CSMD1: variants seen among roughly 807,000 people sequenced by gnomAD.
CSMD1 encodes CUB and sushi domain-containing protein 1.
CSMD1 carries 213 observed loss-of-function variants against 417.5 expected under a neutral mutation model. The ratio of observed to expected loss-of-function variants is 0.51; its 90% CI spans 0.46 to 0.57. CSMD1 has a LOEUF of 0.57. CSMD1 is among the 20% of genes least tolerant of loss of function. The pLI, the probability that CSMD1 is intolerant of heterozygous loss-of-function variation, is 0.00. For missense variants in CSMD1, 6,923 were observed against 4,529.7 expected (o/e 1.53, Z -15.17); for synonymous variants, 2,862 against 1,736.8 (o/e 1.65, Z -16.11).
At chr8:4,503,745 G>A (rs1022532887) in intron 2 of CSMD1, among the ~76,000 whole-genome samples, 4 of 152,000 alleles carry the variant, frequency 2.6e-5, no homozygotes, top group Admixed American at 2.0e-4. Context: ...GGGAGATTCG[G>A]GAAGCTGGTC....
chr8:3,567,219 G>A (rs868108728), intron 10 of CSMD1, among the ~76,000 whole-genome samples: 2 of 152,102 alleles, frequency 1.3e-5, no homozygotes, highest in Non-Finnish European at 2.9e-5. Flanking sequence ...ACCAAATGGT[G>A]AAAGTACATG....
At position 3,284,303 on chromosome 8, in the gene CSMD1, G is replaced by T; in HGVS notation, c.3994C>A (p.Leu1332Ile). 6.2e-7 allele frequency: 1 copy of T among 1,613,940 alleles called. No individual in the cohort carries two copies. The highest frequency in any genetic ancestry group is 8.5e-7 in the Non-Finnish European group (1 of 1,179,882). The change falls in exon 26 of 70, where the codon CTC (leucine) becomes ATC (isoleucine). Residue 1332 changes from leucine (L) to isoleucine (I), a missense_variant. Transcript: ENST00000635120. ...VFDTEMAHDI[L>I]KVWDGPVDSD... Reference sequence around the variant, plus strand: ...TCCACCGGCCCGTCCCAGACCTTGAGGATGTCGTGAGCCATCTCCGTGTCG... The same window carrying T: ...TCCACCGGCCCGTCCCAGACCTTGATGATGTCGTGAGCCATCTCCGTGTCG...
chr8:4,361,932 T>TC (rs1478045291), intron 3 of CSMD1, among the ~76,000 whole-genome samples: 2 of 151,868 alleles, frequency 1.3e-5, no homozygotes, highest in African/African-American at 2.4e-5. Flanking sequence ...GCCAAGGCCC[T>TC]CCAGCCTGGG....
chr8:3,065,722 G>T (rs1342155989), intron 49 of CSMD1, among the ~76,000 whole-genome samples: 1 of 152,156 alleles, frequency 6.6e-6, no homozygotes, highest in East Asian at 1.9e-4. Flanking sequence ...ATAGGAGATA[G>T]CCTACAAAGC....
chr8:4,392,780 C>G (rs1021988040), intron 3 of CSMD1, among the ~76,000 whole-genome samples: 3 of 151,582 alleles, frequency 2.0e-5, no homozygotes, highest in Admixed American at 1.3e-4. Flanking sequence ...ACATCCTGGC[C>G]AACATGGTGA....
chr8:3,278,020 A>T (rs28428566), intron 26 of CSMD1, among the ~76,000 whole-genome samples: 44,011 of 152,044 alleles, frequency 0.29, 6,511 homozygotes, highest in Non-Finnish European at 0.32. Flanking sequence ...TAAAAAATAT[A>T]TGGATAGAGA....
intron 1 of CSMD1, among the ~76,000 whole-genome samples, chr8:4,863,531 T>G (rs1395710409): frequency 3.9e-5 from 6 of 152,092 alleles, no homozygotes. Flanking sequence ...GGTAACTCAT[T>G]CCTATTGGTA....
chr8:3,432,847 G>A (rs950973388), intron 12 of CSMD1, among the ~76,000 whole-genome samples: 2 of 152,104 alleles, frequency 1.3e-5, no homozygotes, highest in East Asian at 1.9e-4. Context: ...CATTGTTTAT[G>A]TGAAATGGAT....
intron 12 of CSMD1, among the ~76,000 whole-genome samples, chr8:3,449,479 C>A (rs1037037157): frequency 6.6e-6 from 1 of 151,772 alleles, no homozygotes; most frequent in East Asian, 1.9e-4. Context: ...TATATTTTCT[C>A]TGTGGTGAAG....
intron 5 of CSMD1, among the ~76,000 whole-genome samples, chr8:3,817,825 A>C (rs1441774146): frequency 1.3e-5 from 2 of 152,064 alleles, no homozygotes; most frequent in Non-Finnish European, 2.9e-5. Flanking sequence ...ATCTGGCCAC[A>C]CCAAGTCCAG....
chr8:4,176,002 G>C (rs1005633084), intron 3 of CSMD1, among the ~76,000 whole-genome samples: 1 of 152,264 alleles, frequency 6.6e-6, no homozygotes, highest in East Asian at 1.9e-4. Flanking sequence ...TGAGAGGCTA[G>C]CCCAGGCTTC....
intron 2 of CSMD1, among the ~76,000 whole-genome samples, chr8:4,568,079 A>T (rs1798699878): frequency 6.6e-6 from 1 of 152,218 alleles, no homozygotes; most frequent in Non-Finnish European, 1.5e-5. Context: ...TGCTTGGTTA[A>T]TGCAAGAATA....
intron 3 of CSMD1, among the ~76,000 whole-genome samples, chr8:4,214,489 G>T (rs1010413837): frequency 6.6e-6 from 1 of 152,106 alleles, no homozygotes; most frequent in Non-Finnish European, 1.5e-5. Flanking sequence ...GTAGTGAAAG[G>T]GTCTTCCTCT....
chr8:4,188,621 G>A (rs1012642803), intron 3 of CSMD1, among the ~76,000 whole-genome samples: 3 of 152,130 alleles, frequency 2.0e-5, no homozygotes, highest in Non-Finnish European at 4.4e-5. Context: ...CTGTGAGTAA[G>A]ATTCCCGCCT....
chr8:4,014,122 G>A (rs1321297791), intron 4 of CSMD1, among the ~76,000 whole-genome samples: 5 of 152,090 alleles, frequency 3.3e-5, no homozygotes, highest in African/African-American at 1.2e-4. Flanking sequence ...AAAAAGAAAT[G>A]CAAGTATCAA....
At chr8:4,722,434 T>C (rs144199140) in intron 1 of CSMD1, among the ~76,000 whole-genome samples, 33 of 152,278 alleles carry the variant, frequency 2.2e-4, no homozygotes, top group Non-Finnish European at 4.1e-4. Flanking sequence ...TGATGCCTTC[T>C]AAGTGAAGTG....
intron 2 of CSMD1, among the ~76,000 whole-genome samples, chr8:4,440,870 G>A (rs553827055): frequency 3.2e-4 from 48 of 151,534 alleles, no homozygotes; most frequent in African/African-American, 1.1e-3. Context: ...GGGGGTGAAT[G>A]CCTATAGTCC....
At chr8:3,441,311 T>A (rs1312831000) in intron 12 of CSMD1, among the ~76,000 whole-genome samples, 1 of 152,092 alleles carries the variant, frequency 6.6e-6, no homozygotes, top group Admixed American at 6.6e-5. Context: ...TGGTGGTTAG[T>A]TTCCTTAGGA....
intron 36 of CSMD1, among the ~76,000 whole-genome samples, chr8:3,185,103 A>G (rs1350583775): frequency 6.6e-6 from 1 of 152,226 alleles, no homozygotes; most frequent in Non-Finnish European, 1.5e-5. Flanking sequence ...CCCTAAATTT[A>G]TAGCCAGTTG....
Sources: gnomAD v4.1 joint callset for allele counts (sites outside exome capture counted in the v4.1 genomes callset) on GRCh38, gnomAD v4.1.1 for gene constraint, MANE v1.5 for transcripts, NCBI Gene and HGNC (gene_info 2026-07-23, HGNC 2026-07-21) for gene names.